ADAMTS12: variants seen among roughly 807,000 people sequenced by gnomAD.
ADAMTS12 encodes ADAM metallopeptidase with thrombospondin type 1 motif 12.
Under a neutral mutation model 167.8 loss-of-function variants are expected in ADAMTS12, and 118 were observed. The ratio of observed to expected loss-of-function variants is 0.70; its 90% CI spans 0.61 to 0.82. The LOEUF is 0.82. Ranked by LOEUF, ADAMTS12 falls within the 40% of genes least tolerant of loss-of-function variation. The pLI, the probability that ADAMTS12 is intolerant of heterozygous loss-of-function variation, is 0.00. For synonymous variants in ADAMTS12, 704 were observed against 716.9 expected, an observed-to-expected ratio of 0.98 and a Z score of 0.29; for missense variants, 1,916 against 1,998.8, an observed-to-expected ratio of 0.96 and a Z score of 0.79.
At chr5:33,615,081 A>G (rs1738928341) in intron 15 of ADAMTS12, among the ~76,000 whole-genome samples, 1 of 152,170 alleles carries the variant, frequency 6.6e-6, no homozygotes, top group Non-Finnish European at 1.5e-5. Flanking sequence ...TCACATGTTT[A>G]AAATTGATTC....
intron 22 of ADAMTS12, among the ~76,000 whole-genome samples, chr5:33,542,307 C>T (rs381335): frequency 0.41 from 62,367 of 151,974 alleles, 13,804 homozygotes; most frequent in East Asian, 0.76. Context: ...TATACATGCA[C>T]CCAATACAGG....
intron 2 of ADAMTS12, among the ~76,000 whole-genome samples, chr5:33,815,281 T>A (rs984665): frequency 0.44 from 66,381 of 152,022 alleles, 14,809 homozygotes; most frequent in Non-Finnish European, 0.47. Context: ...GAAGCCCCAA[T>A]CCCAGTGTGA....
In ADAMTS12 at chr5:33,881,457, C is replaced by A. The variant is rs768467915; in HGVS notation, c.151G>T (p.Glu51Ter). The A allele has an allele frequency of 6.2e-7, 1 of 1,613,024 alleles. No individual in the cohort carries two copies. The highest frequency in any genetic ancestry group is 1.1e-5 in the South Asian group (1 of 91,044). The part of the protein sequence containing the change: ...RQEHFIKGLP[E>*]YHVVGPVRVD... ...CGGACTGGACCCACCACGTGGTATT[C>A]TGGCAGGCCCTTGATAAAATGCTCT... is the stretch of plus-strand genomic sequence containing the variant. Residue 51 changes from glutamate (E) to a stop codon, truncating the protein, a stop_gained, in exon 2 of 24, where the codon GAA (glutamate) becomes TAA (stop). Transcript: ENST00000504830. LOFTEE classifies it high-confidence loss of function.
At chr5:33,565,982 C>T (rs1745996508) in intron 19 of ADAMTS12, among the ~76,000 whole-genome samples, 2 of 152,124 alleles carry the variant, frequency 1.3e-5, no homozygotes, top group South Asian at 4.1e-4. Context: ...TCCACAACTG[C>T]TCTGGGTTTT....
intron 2 of ADAMTS12, among the ~76,000 whole-genome samples, chr5:33,788,285 CTCTT>C (rs1298989633): frequency 6.6e-6 from 1 of 151,934 alleles, no homozygotes; most frequent in African/African-American, 2.4e-5. Context: ...TTTTCTCTCT[CTCTT>C]TTTTTTTGCC....
rs147996448 is a variant in ADAMTS12, at chr5:33,527,341, C to G, written c.4632G>C (p.Leu1544=). The change falls in exon 24 of 24, where the codon CTG becomes CTC. Residue 1544 remains leucine (L), a synonymous_variant. Transcript: ENST00000504830. Reference sequence around the variant, plus strand: ...TCAGTGTCTGGCAGAAACTGGCTGACAGTTTGTCCTTAGTGCAAAGTAAAT... The same window carrying G: ...TCAGTGTCTGGCAGAAACTGGCTGAGAGTTTGTCCTTAGTGCAAAGTAAAT... ...SADLLCTKDK[L]SASFCQTLKA... is the part of the protein sequence containing the mutation. 409 of 1,613,948 alleles carry G rather than the reference C, an allele frequency of 2.5e-4. No homozygotes were observed. The highest frequency in any genetic ancestry group is 3.3e-4 in the Non-Finnish European group (386 of 1,180,004).
intron 2 of ADAMTS12, among the ~76,000 whole-genome samples, chr5:33,839,002 T>TCAACTGTGTGTCCAACTTCC (rs1748637966): frequency 6.6e-6 from 1 of 152,212 alleles, no homozygotes; most frequent in African/African-American, 2.4e-5. Context: ...AGTTGCTATG[T>TCAACTGTGTGTCCAACTTCC]CAACTGTGTG....
chr5:33,795,152 C>A lies in ADAMTS12; in HGVS notation c.490-43604G>T, dbSNP rs78113829. 7.1e-3 allele frequency among the ~76,000 whole-genome samples: 1,075 copies of A among 152,318 alleles called. 12 individuals carry two copies. The highest frequency in any genetic ancestry group is 0.025 in the African/African-American group (1,039 of 41,562). Reference sequence around the variant, plus strand: ...TTCTCTATAGTTCTGGCTGTAAAAGCATCACAGGACCCATGGGCTGAAAGA... The same window carrying A: ...TTCTCTATAGTTCTGGCTGTAAAAGAATCACAGGACCCATGGGCTGAAAGA... On this transcript the variant is annotated intron_variant, in intron 2 of 23. Transcript: ENST00000504830.
chr5:33,719,732 TAA>T (rs1253061875), intron 3 of ADAMTS12, among the ~76,000 whole-genome samples: 2 of 152,242 alleles, frequency 1.3e-5, no homozygotes, highest in Non-Finnish European at 2.9e-5. Flanking sequence ...TGCTGGAACT[TAA>T]GTCTATTTAT....
chr5:33,797,685 C>T (rs763432396), intron 2 of ADAMTS12, among the ~76,000 whole-genome samples: 39 of 151,918 alleles, frequency 2.6e-4, no homozygotes, highest in African/African-American at 1.9e-4. Flanking sequence ...CTTGGGTTGT[C>T]GTAAGGATTA....
At chr5:33,840,554 T>C (rs1354172402) in intron 2 of ADAMTS12, among the ~76,000 whole-genome samples, 4 of 151,862 alleles carry the variant, frequency 2.6e-5, no homozygotes, top group Non-Finnish European at 1.5e-5. Context: ...ACCTCATAGA[T>C]TAGTTGTGAA....
At chr5:33,770,635 T>C (rs1347900598) in intron 2 of ADAMTS12, among the ~76,000 whole-genome samples, 1 of 152,156 alleles carries the variant, frequency 6.6e-6, no homozygotes, top group Non-Finnish European at 1.5e-5. Context: ...AAATGTTATT[T>C]CACGGTCTCT....
chr5:33,713,502 A>G (rs1743482767), intron 3 of ADAMTS12, among the ~76,000 whole-genome samples: 1 of 152,170 alleles, frequency 6.6e-6, no homozygotes, highest in African/African-American at 2.4e-5. Flanking sequence ...AAACCACAAG[A>G]TATCACAAAC....
At chr5:33,741,050 A>G (rs1744557743) in intron 3 of ADAMTS12, among the ~76,000 whole-genome samples, 1 of 152,244 alleles carries the variant, frequency 6.6e-6, no homozygotes, top group South Asian at 2.1e-4. Context: ...CTCTAGTCAC[A>G]GTCCCATGCA....
chr5:33,799,300 C>G (rs1451039575), intron 2 of ADAMTS12, among the ~76,000 whole-genome samples: 3 of 152,164 alleles, frequency 2.0e-5, no homozygotes, highest in Non-Finnish European at 4.4e-5. Flanking sequence ...AAATCCCAAC[C>G]TTCTTTCTAC....
chr5:33,832,397 GA>G (rs1434011478), intron 2 of ADAMTS12, among the ~76,000 whole-genome samples: 4 of 149,912 alleles, frequency 2.7e-5, no homozygotes, highest in South Asian at 2.1e-4. Context: ...ATTTTGTGAG[GA>G]AAAAAAAACC....
chr5:33,832,506 C>A (rs754820176), intron 2 of ADAMTS12, among the ~76,000 whole-genome samples: 1 of 152,070 alleles, frequency 6.6e-6, no homozygotes, highest in Non-Finnish European at 1.5e-5. Context: ...AATTGAATTC[C>A]CTCTTCTTGT....
At chr5:33,551,093 T>C (rs1401487919) in intron 20 of ADAMTS12, among the ~76,000 whole-genome samples, 1 of 152,170 alleles carries the variant, frequency 6.6e-6, no homozygotes, top group African/African-American at 2.4e-5. Flanking sequence ...CTCTGAAGGG[T>C]AAAAGACCAT....
chr5:33,578,636 G>A (rs1746885143), intron 18 of ADAMTS12, among the ~76,000 whole-genome samples: 1 of 152,160 alleles, frequency 6.6e-6, no homozygotes, highest in Non-Finnish European at 1.5e-5. Flanking sequence ...ATGAGCTTCT[G>A]CATTTAGATT....
Sources: allele counts gnomAD v4.1 joint callset (sites outside exome capture counted in the v4.1 genomes callset), GRCh38; gene constraint gnomAD v4.1.1; transcripts MANE v1.5; gene names NCBI Gene and HGNC (gene_info 2026-07-23, HGNC 2026-07-21).